Variants in ADGRL2 observed in about 807,000 individuals in gnomAD.
ADGRL2 encodes calcium-independent alpha-latrotoxin receptor 2.
In ADGRL2, 44 loss-of-function variants were observed where a neutral mutation model predicts 157.4. The ratio of observed to expected loss-of-function variants is 0.28; its 90% CI spans 0.22 to 0.36. The LOEUF is 0.36. Among genes scored for constraint, ADGRL2 ranks in the 10% least tolerant of loss-of-function variants. The pLI is 1.00. For synonymous variants in ADGRL2, 585 were observed against 624.7 expected (o/e 0.94, Z 0.95); for missense variants, 1,510 against 1,768.9 (o/e 0.85, Z 2.63).
At chr1:81,467,138 C>A (rs963705187) in intron 2 of ADGRL2, among the ~76,000 whole-genome samples, 3 of 152,060 alleles carry the variant, frequency 2.0e-5, no homozygotes, top group Non-Finnish European at 4.4e-5. Flanking sequence ...CCTTCTGTGA[C>A]CTGAGGCTAC....
rs1036122139 is a variant in ADGRL2 at position 81,883,461 on chromosome 1, T to G, written c.74-23556T>G. On this transcript the variant is annotated intron_variant, in intron 2 of 23. Transcript: ENST00000686636. ...TGTAGATTTTTGGAGGAAATCCTCC[T>G]CCTATTTCCAAGACACTTTGTAGTT... 2.0e-5 allele frequency among the ~76,000 whole-genome samples: 3 copies of G among 152,166 alleles called. No individual in the cohort carries two copies. The South Asian group carries it at 6.2e-4, about 31-fold the overall frequency.
At chr1:81,570,313 T>C (rs1454091675) in intron 2 of ADGRL2, among the ~76,000 whole-genome samples, 1 of 152,220 alleles carries the variant, frequency 6.6e-6, no homozygotes, top group Non-Finnish European at 1.5e-5. Flanking sequence ...GAAACTGCAC[T>C]GAAAAGCTAT....
At chr1:81,833,971 G>T (rs533648370) in intron 1 of ADGRL2, among the ~76,000 whole-genome samples, 1 of 152,306 alleles carries the variant, frequency 6.6e-6, no homozygotes, top group East Asian at 1.9e-4. Context: ...ACAAGATTAG[G>T]ATGAAATTGT....
intron 2 of ADGRL2, among the ~76,000 whole-genome samples, chr1:81,790,579 C>T (rs919318035): frequency 6.6e-5 from 10 of 152,148 alleles, no homozygotes; most frequent in African/African-American, 2.4e-4. Context: ...CTTGCAATAT[C>T]TATATCAGCA....
intron 2 of ADGRL2, among the ~76,000 whole-genome samples, chr1:81,841,164 A>G (rs2092562264): frequency 6.6e-6 from 1 of 152,196 alleles, no homozygotes; most frequent in South Asian, 2.1e-4. Flanking sequence ...TCAAAATTTT[A>G]CTTAATTACC....
At chr1:81,524,196 T>TAA (rs59596783) in intron 2 of ADGRL2, among the ~76,000 whole-genome samples, 3 of 145,798 alleles carry the variant, frequency 2.1e-5, no homozygotes, top group Non-Finnish European at 4.6e-5. Flanking sequence ...CCATCTCTAC[T>TAA]AAAAAAAAAA....
chr1:81,593,465 A>G (rs1239885041), intron 3 of ADGRL2, among the ~76,000 whole-genome samples: 1 of 152,166 alleles, frequency 6.6e-6, no homozygotes, highest in African/African-American at 2.4e-5. Context: ...AAAATGAACT[A>G]ATATGTGAAG....
At chr1:81,750,516 A>G (rs76743189) in intron 1 of ADGRL2, among the ~76,000 whole-genome samples, 2 of 152,188 alleles carry the variant, frequency 1.3e-5, no homozygotes, top group Admixed American at 6.5e-5. Flanking sequence ...CAGGATTTCA[A>G]GACCAGCCTA....
chr1:81,366,561 A>G (rs1252221272), intron 1 of ADGRL2, among the ~76,000 whole-genome samples: 6 of 152,132 alleles, frequency 3.9e-5, no homozygotes, highest in Admixed American at 2.0e-4. Flanking sequence ...ATACTCCTTA[A>G]TATATACCAA....
intron 1 of ADGRL2, among the ~76,000 whole-genome samples, chr1:81,750,100 A>G (rs2085439929): frequency 6.6e-6 from 1 of 152,256 alleles, no homozygotes; most frequent in African/African-American, 2.4e-5. Flanking sequence ...CAATAGCATT[A>G]GAATCTACAT....
At chr1:81,467,898 T>TA (rs959807410) in intron 2 of ADGRL2, among the ~76,000 whole-genome samples, 19 of 151,574 alleles carry the variant, frequency 1.3e-4, no homozygotes, top group South Asian at 2.1e-4. Flanking sequence ...CTTTTCAAAT[T>TA]AAAAAAAAAT....
At position 81,943,041 on chromosome 1, in the gene ADGRL2, G is replaced by A; in HGVS notation, c.482G>A (p.Gly161Asp). ...ATATATGAAGCTGAACAAAAGGCGG[G>A]TGCTTGGTGCAAGGACCCTCTTCAG... is the stretch of plus-strand genomic sequence containing the variant. ...PCIYEAEQKA[G>D]AWCKDPLQAA... Residue 161 changes from glycine to aspartate, a missense_variant, in exon 6 of 24, where the codon GGT becomes GAT. Physicochemically the swap from Gly to Asp is moderately conservative, Grantham distance 94 (BLOSUM62 -1). Coordinates refer to ENST00000686636, the MANE Select transcript of ADGRL2 (RefSeq NM_001366006.2). The surrounding 1 kb of genome is among the most constrained non-coding windows in gnomAD (Gnocchi z 5.6). 1 of 1,613,340 alleles carries A rather than the reference G, an allele frequency of 6.2e-7. No homozygotes were observed. The highest frequency in any genetic ancestry group is 8.5e-7 in the Non-Finnish European group (1 of 1,179,488).
At chr1:81,572,054 T>C (rs111272847) in intron 2 of ADGRL2, among the ~76,000 whole-genome samples, 24 of 152,100 alleles carry the variant, frequency 1.6e-4, no homozygotes, top group Non-Finnish European at 1.2e-4. Context: ...TAAAAACAAA[T>C]TGAAAAATTA....
chr1:81,840,915 T>G (rs1164399238), intron 2 of ADGRL2, among the ~76,000 whole-genome samples: 1 of 152,128 alleles, frequency 6.6e-6, no homozygotes, highest in Non-Finnish European at 1.5e-5. Flanking sequence ...TTTGGCCAGT[T>G]TTTATAAGCA....
chr1:81,696,523 C>T (rs186823520), upstream of ADGRL2, among the ~76,000 whole-genome samples: 1 of 152,076 alleles, frequency 6.6e-6, no homozygotes, highest in South Asian at 2.1e-4. Context: ...GAGGCTGAGG[C>T]GGGCGGATCA....
chr1:81,960,559 T>C (rs7535862), intron 11 of ADGRL2, among the ~76,000 whole-genome samples: 151,573 of 151,960 alleles, frequency 1, 75,594 homozygotes, highest in Middle Eastern at 1. Context: ...ACTGCAACCT[T>C]CGCTTCCTGG....
intron 2 of ADGRL2, among the ~76,000 whole-genome samples, chr1:81,556,460 G>T (rs1229766427): frequency 6.6e-6 from 1 of 151,498 alleles, no homozygotes; most frequent in Non-Finnish European, 1.5e-5. Flanking sequence ...TTACAGGCGT[G>T]AGCCACAGAG....
intron 2 of ADGRL2, chr1:81,505,190 C>T: frequency 2.0e-6 from 1 of 502,564 alleles, no homozygotes; most frequent in South Asian, 1.6e-5. Flanking sequence ...ACACGCTCAC[C>T]CCCACTCCCA....
At chr1:81,607,138 T>C (rs945210611) in intron 3 of ADGRL2, among the ~76,000 whole-genome samples, 1 of 152,204 alleles carries the variant, frequency 6.6e-6, no homozygotes, top group Non-Finnish European at 1.5e-5. Flanking sequence ...GAGTATATCT[T>C]TCTATGAGTT....
Sources: allele counts gnomAD v4.1 joint callset (sites outside exome capture counted in the v4.1 genomes callset), GRCh38; gene constraint gnomAD v4.1.1; non-coding constraint Gnocchi (gnomAD v3.1); transcripts MANE v1.5; gene names NCBI Gene and HGNC (gene_info 2026-07-23, HGNC 2026-07-21).